Variants in OSBPL8 observed in about 807,000 individuals in gnomAD.
OSBPL8 encodes the protein oxysterol-binding protein-related protein 8.
OSBPL8 carries 59 observed loss-of-function variants against 125.5 expected under a neutral mutation model. That is an observed-to-expected ratio of 0.47 (90% CI 0.38 to 0.58). The LOEUF (loss-of-function observed/expected upper bound fraction) is 0.58, where lower values mean the gene tolerates loss of function less well. Ranked by LOEUF, OSBPL8 falls within the 20% of genes least tolerant of loss-of-function variation. The probability of loss-of-function intolerance (pLI) is 0.00; values close to 1 mark genes in which losing one functional copy is unlikely to be tolerated. For missense variants in OSBPL8, 758 were observed against 1,047.8 expected (o/e 0.72, Z 3.82); for synonymous variants, 330 against 338.9 (o/e 0.97, Z 0.29).
At chr12:76,381,332 T>C (rs1236200845) in intron 15 of OSBPL8, among the ~76,000 whole-genome samples, 9 of 152,262 alleles carry the variant, frequency 5.9e-5, no homozygotes, top group South Asian at 2.1e-4. Context: ...CTTAAATCTT[T>C]AGAAGAACTC....
chr12:76,466,281 AT>A (rs1240194257), intron 2 of OSBPL8, among the ~76,000 whole-genome samples: 1 of 152,140 alleles, frequency 6.6e-6, no homozygotes, highest in Non-Finnish European at 1.5e-5. Flanking sequence ...TTTGAAAAAA[AT>A]ATAAAGTTTT....
intron 4 of OSBPL8, among the ~76,000 whole-genome samples, chr12:76,443,413 A>G (rs867887716): frequency 1.4e-4 from 22 of 152,298 alleles, no homozygotes; most frequent in African/African-American, 5.1e-4. Flanking sequence ...CCATGAGATG[A>G]GCTATAATTT....
At chr12:76,474,094 T>C (rs1375017396) in intron 2 of OSBPL8, among the ~76,000 whole-genome samples, 2 of 152,212 alleles carry the variant, frequency 1.3e-5, no homozygotes, top group South Asian at 2.1e-4. Flanking sequence ...AGTATAGGCA[T>C]GAACCTAGGA....
In OSBPL8 at chr12:76,487,541, C is replaced by A; in HGVS notation, c.11G>T (p.Gly4Val). The A allele has an allele frequency of 6.2e-7, 1 of 1,604,954 alleles. No individual in the cohort carries two copies. Among genetic ancestry groups the A allele is most frequent in the Non-Finnish European group, 8.5e-7 (1 of 1,176,322 alleles). The change falls in exon 2 of 24, where the codon GGT becomes GTT. Residue 4 changes from glycine (G) to valine (V), a missense_variant. This residue lies in a region of OSBPL8 where 117 missense variants were observed against 137.1 expected (regional missense o/e 0.85). Coordinates refer to ENST00000261183, the MANE Select transcript of OSBPL8 (RefSeq NM_020841.5). Reference sequence around the variant, plus strand: ...TCGATCAGGTTCTCCATCTGCCAAACCTCCCTCCATAATGAAAGAAGATAG... The same window carrying A: ...TCGATCAGGTTCTCCATCTGCCAAAACTCCCTCCATAATGAAAGAAGATAG... MEG[G>V]LADGEPDRTS...
intron 5 of OSBPL8, among the ~76,000 whole-genome samples, chr12:76,403,641 T>C (rs1592613876): frequency 6.6e-6 from 1 of 152,352 alleles, no homozygotes; most frequent in East Asian, 1.9e-4. Context: ...TCCATAAGTT[T>C]TATTTTTATC....
chr12:76,358,242 T>A lies in OSBPL8; in HGVS notation c.2434+464A>T, dbSNP rs1443331253. On this transcript the variant is annotated intron_variant, in intron 22 of 23. Coordinates refer to ENST00000261183, the MANE Select transcript of OSBPL8 (RefSeq NM_020841.5). ...TCACCCAGGCTGGAGTGCAGTAGTG[T>A]GATCTCGGTTCAGTGCATCTTCCAT... Among the ~76,000 whole-genome samples, 7 of 145,890 alleles carry A rather than the reference T, an allele frequency of 4.8e-5. No homozygotes were observed. The East Asian group carries it at 1.5e-3, about 30-fold the overall frequency.
Position 76,371,500 on chromosome 12 carries a change from A to G in OSBPL8, c.2002T>C (p.Leu668=). 6.2e-7 allele frequency: 1 copy of G among 1,610,816 alleles called. No homozygotes were observed. The highest frequency in any genetic ancestry group is 1.1e-5 in the South Asian group (1 of 90,548). Residue 668 remains leucine (L), a synonymous_variant, in exon 19 of 24, where the codon TTA becomes CTA. Transcript: ENST00000261183. ...TCAAATTTTACAGTGTGCCTTATTA[A>G]TCTCCATTGCTTAATGTCAGGTGTT... is the stretch of plus-strand genomic sequence containing the variant. ...NPTPDIKQWR[L]IRHTVKFEEQ... is the part of the protein sequence containing the mutation.
At chr12:76,527,904 T>C (rs1257879203) in intron 1 of OSBPL8, among the ~76,000 whole-genome samples, 2 of 152,244 alleles carry the variant, frequency 1.3e-5, no homozygotes, top group African/African-American at 4.8e-5. Flanking sequence ...GTCAGTGCTT[T>C]ACTTGCAAGA....
chr12:76,390,054 A>T (rs1206461411), intron 11 of OSBPL8: 5 of 409,666 alleles, frequency 1.2e-5, no homozygotes, highest in Non-Finnish European at 2.1e-5. Flanking sequence ...GATCCACTAC[A>T]AAAATATTAT....
At chr12:76,420,577 T>C (rs976751663) in intron 4 of OSBPL8, among the ~76,000 whole-genome samples, 4 of 152,034 alleles carry the variant, frequency 2.6e-5, no homozygotes, top group Admixed American at 2.0e-4. Context: ...AAAAATATTT[T>C]TTTCAGGAAA....
chr12:76,556,526 T>G (rs1951105249), intron 1 of OSBPL8, among the ~76,000 whole-genome samples: 1 of 152,158 alleles, frequency 6.6e-6, no homozygotes, highest in African/African-American at 2.4e-5. Context: ...GCACACAACA[T>G]GAGTCTAGAC....
intron 4 of OSBPL8, among the ~76,000 whole-genome samples, chr12:76,428,592 G>A (rs749640062): frequency 3.3e-5 from 5 of 152,014 alleles, no homozygotes; most frequent in Non-Finnish European, 5.9e-5. Context: ...GGCTTTAAGA[G>A]ATTTTAAAAT....
intron 22 of OSBPL8, among the ~76,000 whole-genome samples, chr12:76,358,193 T>TTTTTTG: frequency 6.7e-6 from 1 of 149,486 alleles, no homozygotes. Flanking sequence ...TTTTTTTTTT[T>TTTTTTG]TTTTGAGACA....
chr12:76,476,374 A>G (rs1876810752), intron 2 of OSBPL8, among the ~76,000 whole-genome samples: 1 of 152,240 alleles, frequency 6.6e-6, no homozygotes, highest in African/African-American at 2.4e-5. Flanking sequence ...AAAATCAGTG[A>G]ACCAAACTAA....
intron 2 of OSBPL8, among the ~76,000 whole-genome samples, chr12:76,476,057 C>G (rs974454051): frequency 6.6e-6 from 1 of 151,948 alleles, no homozygotes; most frequent in Non-Finnish European, 1.5e-5. Flanking sequence ...GAAGTGTGCT[C>G]AGAACAGAGA....
At chr12:76,489,124 G>C (rs1017033842) in intron 1 of OSBPL8, among the ~76,000 whole-genome samples, 1 of 152,186 alleles carries the variant, frequency 6.6e-6, no homozygotes, top group Admixed American at 6.5e-5. Context: ...TGAGAAAGCT[G>C]CAGAAGAGAA....
intron 9 of OSBPL8, 43 bp downstream of exon 9, chr12:76,394,602 A>T (rs1403570397): frequency 2.7e-6 from 4 of 1,481,860 alleles, no homozygotes. Flanking sequence ...AAAAACTCTT[A>T]AAAATGAAGA....
At chr12:76,379,483 G>C (rs1952954620) in intron 15 of OSBPL8, among the ~76,000 whole-genome samples, 1 of 152,108 alleles carries the variant, frequency 6.6e-6, no homozygotes, top group African/African-American at 2.4e-5. Flanking sequence ...TCAAGATATA[G>C]AACTTCCCAT....
chr12:76,408,754 G>A (rs752506254), intron 5 of OSBPL8, among the ~76,000 whole-genome samples: 1 of 152,040 alleles, frequency 6.6e-6, no homozygotes, highest in Non-Finnish European at 1.5e-5. Context: ...AGATGCTACT[G>A]TACCCAAAGC....
Sources: gnomAD v4.1 joint callset for allele counts (sites outside exome capture counted in the v4.1 genomes callset) on GRCh38, gnomAD v4.1.1 for gene constraint, gnomAD v4.1.1 regional missense constraint, MANE v1.5 for transcripts, NCBI Gene and HGNC (gene_info 2026-07-23, HGNC 2026-07-21) for gene names.